Variants in NRG3 observed in about 807,000 individuals in gnomAD.
NRG3 encodes neuregulin 3, also known as pro-neuregulin-3, membrane-bound isoform.
Under a neutral mutation model 66.9 loss-of-function variants are expected in NRG3, and 31 were observed. The ratio of observed to expected loss-of-function variants is 0.46; its 90% CI spans 0.35 to 0.63. The LOEUF is 0.63. Ranked by LOEUF, NRG3 falls within the 20% of genes least tolerant of loss-of-function variation. The pLI, the probability that NRG3 is intolerant of heterozygous loss-of-function variation, is 0.00. For missense variants in NRG3, 910 were observed against 878.9 expected (o/e 1.04, Z -0.45); for synonymous variants, 393 against 359.4 (o/e 1.09, Z -1.06).
intron 1 of NRG3, among the ~76,000 whole-genome samples, chr10:81,886,067 AATAC>A (rs1359396401): frequency 1.3e-5 from 2 of 152,154 alleles, no homozygotes; most frequent in East Asian, 3.8e-4. Flanking sequence ...CGCGGGGCTT[AATAC>A]ATAGGTGATG....
At position 81,877,903 on chromosome 10, in the gene NRG3, A is replaced by T. The variant is rs371758765; in HGVS notation, c.823+1740A>T. ...GAACATATTCAATGGATTGAAAATGAGTCTACCCTGAAGACCCCAGATTTT... is the reference window on the plus strand; with the variant it reads ...GAACATATTCAATGGATTGAAAATGTGTCTACCCTGAAGACCCCAGATTTT... On this transcript the variant is annotated intron_variant, in intron 1 of 8. Coordinates refer to ENST00000372141, the MANE Select transcript of NRG3 (RefSeq NM_001010848.4). 7.8e-6 allele frequency: 12 copies of T among 1,535,880 alleles called. No individual in the cohort carries two copies. The East Asian group carries it at 1.2e-4, about 16-fold the overall frequency.
chr10:82,450,069 G>T (rs1256901978), intron 2 of NRG3, among the ~76,000 whole-genome samples: 2 of 152,194 alleles, frequency 1.3e-5, no homozygotes, highest in Non-Finnish European at 2.9e-5. Flanking sequence ...AGAAAAATAA[G>T]TTTGAGATAT....
chr10:82,087,965 G>T (rs1289276985), intron 1 of NRG3, among the ~76,000 whole-genome samples: 3 of 151,982 alleles, frequency 2.0e-5, no homozygotes, highest in African/African-American at 7.3e-5. Context: ...CACATTTCCC[G>T]GCTGGATCCG....
intron 2 of NRG3, among the ~76,000 whole-genome samples, chr10:82,652,533 TC>T (rs1297143136): frequency 6.6e-6 from 1 of 152,164 alleles, no homozygotes; most frequent in Non-Finnish European, 1.5e-5. Flanking sequence ...GCTGCTTCTC[TC>T]CTCTCCCCAA....
At position 82,098,715 on chromosome 10, in the gene NRG3, A is replaced by G. The variant is rs530137061; in HGVS notation, c.823+222552A>G. Among the ~76,000 whole-genome samples, 4 of 152,094 alleles carry G rather than the reference A, an allele frequency of 2.6e-5. No homozygotes were observed. In the South Asian group the frequency reaches 8.3e-4, roughly 32 times the overall value. ...GTTGTTAGATATGTGATTTGCAAGTATTTTTCCCAATTTGTGGTTTGTCTT... is the reference window on the plus strand; with the variant it reads ...GTTGTTAGATATGTGATTTGCAAGTGTTTTTCCCAATTTGTGGTTTGTCTT... On this transcript the variant is annotated intron_variant, in intron 1 of 8. Coordinates refer to ENST00000372141, the MANE Select transcript of NRG3 (RefSeq NM_001010848.4).
intron 4 of NRG3, among the ~76,000 whole-genome samples, chr10:82,869,252 T>G (rs940311436): frequency 1.3e-5 from 2 of 152,216 alleles, no homozygotes; most frequent in African/African-American, 4.8e-5. Flanking sequence ...CAAAATTGAG[T>G]GCAAATTACA....
chr10:82,511,732 C>G (rs2132448252), intron 2 of NRG3, among the ~76,000 whole-genome samples: 1 of 152,196 alleles, frequency 6.6e-6, no homozygotes, highest in East Asian at 1.9e-4. Context: ...CTTCACGTAG[C>G]CTTGGATGTC....
At chr10:82,276,335 A>G (rs1589558452) in intron 1 of NRG3, among the ~76,000 whole-genome samples, 1 of 152,040 alleles carries the variant, frequency 6.6e-6, no homozygotes, top group African/African-American at 2.4e-5. Context: ...AAATTTGAAT[A>G]AACTGGCTCT....
intron 1 of NRG3, among the ~76,000 whole-genome samples, chr10:82,336,725 G>C (rs1326780909): frequency 6.6e-6 from 1 of 151,942 alleles, no homozygotes; most frequent in African/African-American, 2.4e-5. Flanking sequence ...GTTTTGCCAT[G>C]TTGGCCAGGC....
intron 6 of NRG3, among the ~76,000 whole-genome samples, chr10:82,969,196 C>A (rs904272210): frequency 6.6e-6 from 1 of 152,134 alleles, no homozygotes; most frequent in Non-Finnish European, 1.5e-5. Context: ...TGGATTTGCC[C>A]AGAGCATCTC....
At chr10:82,305,588 T>C (rs2063102164) in intron 1 of NRG3, among the ~76,000 whole-genome samples, 1 of 152,126 alleles carries the variant, frequency 6.6e-6, no homozygotes, top group Non-Finnish European at 1.5e-5. Flanking sequence ...GCTTTTTAAT[T>C]TTTTTCTTAT....
intron 1 of NRG3, among the ~76,000 whole-genome samples, chr10:82,006,643 T>G (rs2061386628): frequency 6.6e-6 from 1 of 152,296 alleles, no homozygotes; most frequent in South Asian, 2.1e-4. Context: ...ATCTGATTTT[T>G]TTTCTTTCTC....
At chr10:82,036,589 A>AT (rs59660462) in intron 1 of NRG3, among the ~76,000 whole-genome samples, 7,299 of 152,164 alleles carry the variant, frequency 0.048, 583 homozygotes, top group African/African-American at 0.16. Flanking sequence ...TATCCTTCAT[A>AT]TTTTTTAAAG....
intron 2 of NRG3, among the ~76,000 whole-genome samples, chr10:82,373,815 A>C (rs2135761832): frequency 6.6e-6 from 1 of 152,300 alleles, no homozygotes; most frequent in East Asian, 1.9e-4. Context: ...TGCACTAGAA[A>C]GCTCTTTCCT....
At chr10:82,858,942 C>CTTT (rs534067829) in intron 3 of NRG3, among the ~76,000 whole-genome samples, 2,361 of 124,130 alleles carry the variant, frequency 0.019, 68 homozygotes, top group African/African-American at 0.032. Flanking sequence ...AGTAGTCTAA[C>CTTT]TTTTTTTTTT....
chr10:82,582,721 A>G (rs2046433614), intron 2 of NRG3, among the ~76,000 whole-genome samples: 1 of 151,866 alleles, frequency 6.6e-6, no homozygotes, highest in South Asian at 2.1e-4. Flanking sequence ...ATACACATGA[A>G]CACACATAAA....
intron 1 of NRG3, among the ~76,000 whole-genome samples, chr10:82,186,089 G>A (rs925303438): frequency 4.6e-5 from 7 of 152,086 alleles, no homozygotes; most frequent in African/African-American, 1.4e-4. Context: ...GTTAGGAATT[G>A]TTTTAGTGAA....
At chr10:82,547,473 A>G (rs1360960063) in intron 2 of NRG3, among the ~76,000 whole-genome samples, 1 of 148,328 alleles carries the variant, frequency 6.7e-6, no homozygotes, top group Non-Finnish European at 1.5e-5. Context: ...GTATATATGT[A>G]TATATATTCC....
At chr10:82,285,398 A>G (rs2079363193) in intron 1 of NRG3, among the ~76,000 whole-genome samples, 1 of 152,214 alleles carries the variant, frequency 6.6e-6, no homozygotes, top group Non-Finnish European at 1.5e-5. Context: ...TGCACCAGCC[A>G]TTAACCAAAC....
Sources: allele counts gnomAD v4.1 joint callset (sites outside exome capture counted in the v4.1 genomes callset), GRCh38; gene constraint gnomAD v4.1.1; transcripts MANE v1.5; gene names NCBI Gene and HGNC (gene_info 2026-07-23, HGNC 2026-07-21).